TAFA1: variants seen among roughly 807,000 people sequenced by gnomAD.
TAFA1 encodes TAFA chemokine like family member 1, also known as chemokine-like protein TAFA-1.
TAFA1 carries 4 observed loss-of-function variants against 18.5 expected under a neutral mutation model. The ratio of observed to expected loss-of-function variants is 0.22; its 90% CI spans 0.11 to 0.49. The LOEUF (loss-of-function observed/expected upper bound fraction) is 0.49. Ranked by LOEUF, TAFA1 falls within the 20% of genes least tolerant of loss-of-function variation. The pLI is 0.98. For synonymous variants in TAFA1, 56 were observed against 55.2 expected (o/e 1.01, Z -0.06); for missense variants, 147 against 169.0 (o/e 0.87, Z 0.72).
intron 2 of TAFA1, among the ~76,000 whole-genome samples, chr3:68,180,012 T>TTTATTATTATTATTATTA (rs35696872): frequency 0.023 from 3,254 of 140,290 alleles, 39 homozygotes; most frequent in Middle Eastern, 0.046. Flanking sequence ...AACACATAAT[T>TTTATTATTATTATTATTA]TTATTATTAT....
chr3:68,301,236 C>G (rs753517603), intron 2 of TAFA1, among the ~76,000 whole-genome samples: 60 of 152,130 alleles, frequency 3.9e-4, no homozygotes, highest in Non-Finnish European at 2.4e-4. Flanking sequence ...AAATACAAAG[C>G]AAAATTACCA....
intron 2 of TAFA1, among the ~76,000 whole-genome samples, chr3:68,200,742 C>A (rs573343442): frequency 1.9e-3 from 283 of 151,354 alleles, no homozygotes; most frequent in African/African-American, 6.2e-3. Context: ...TCTTTATCTT[C>A]TTTTTTTTAA....
chr3:68,191,340 A>G (rs2066337771), intron 2 of TAFA1, among the ~76,000 whole-genome samples: 1 of 151,820 alleles, frequency 6.6e-6, no homozygotes, highest in African/African-American at 2.4e-5. Context: ...TTCCTGCAGG[A>G]CATGTAGGAC....
chr3:68,046,880 A>G (rs544962616), intron 2 of TAFA1, among the ~76,000 whole-genome samples: 1 of 152,172 alleles, frequency 6.6e-6, no homozygotes, highest in Non-Finnish European at 1.5e-5. Flanking sequence ...AAGCCTGATG[A>G]TATTAGTTTA....
chr3:68,398,115 C>A (rs922495102), intron 2 of TAFA1, among the ~76,000 whole-genome samples: 2 of 152,238 alleles, frequency 1.3e-5, no homozygotes, highest in Non-Finnish European at 1.5e-5. Flanking sequence ...ATAGCCAAGA[C>A]AATCCTAAAC....
At chr3:68,269,223 G>A (rs1380171692) in intron 2 of TAFA1, among the ~76,000 whole-genome samples, 1 of 151,944 alleles carries the variant, frequency 6.6e-6, no homozygotes, top group Non-Finnish European at 1.5e-5. Context: ...GGAGGCCATG[G>A]CAGGAGGATT....
intron 2 of TAFA1, among the ~76,000 whole-genome samples, chr3:68,153,995 T>C (rs1207776826): frequency 6.6e-6 from 1 of 152,186 alleles, no homozygotes; most frequent in Non-Finnish European, 1.5e-5. Flanking sequence ...TCAGGCCTTT[T>C]ATTAGTAAGA....
At chr3:68,002,913 C>G (rs556223807), upstream of TAFA1, among the ~76,000 whole-genome samples, 1 of 152,276 alleles carries the variant, frequency 6.6e-6, no homozygotes, top group Admixed American at 6.5e-5. Flanking sequence ...ATAGAATGTG[C>G]TAGCATCTGG....
intron 2 of TAFA1, among the ~76,000 whole-genome samples, chr3:68,333,197 A>G (rs1291598873): frequency 6.6e-6 from 1 of 152,172 alleles, no homozygotes; most frequent in Non-Finnish European, 1.5e-5. Context: ...AAAAGCACAT[A>G]CATGTGTATG....
intron 2 of TAFA1, among the ~76,000 whole-genome samples, chr3:68,126,769 G>C (rs2065469619): frequency 6.6e-6 from 1 of 152,130 alleles, no homozygotes; most frequent in African/African-American, 2.4e-5. Flanking sequence ...ACATTCAATT[G>C]GCCACACATT....
At chr3:68,086,890 C>G (rs529060068) in intron 2 of TAFA1, among the ~76,000 whole-genome samples, 43 of 152,246 alleles carry the variant, frequency 2.8e-4, no homozygotes, top group Admixed American at 7.8e-4. Flanking sequence ...TGATCAGGAC[C>G]ATTGAGGTTA....
chr3:68,486,117 A>C (rs970929898), intron 3 of TAFA1, among the ~76,000 whole-genome samples: 2 of 144,348 alleles, frequency 1.4e-5, no homozygotes, highest in African/African-American at 5.3e-5. Context: ...ATTTTATTTT[A>C]TTTTATTTTA....
At chr3:68,380,660 T>A (rs1425235972) in intron 2 of TAFA1, among the ~76,000 whole-genome samples, 5 of 152,218 alleles carry the variant, frequency 3.3e-5, no homozygotes, top group Admixed American at 3.3e-4. Context: ...TTGTAGATTC[T>A]GGATATTAGC....
chr3:68,475,857 T>C lies in TAFA1; in HGVS notation c.259+58437T>C, dbSNP rs572434129. 5.9e-5 allele frequency among the ~76,000 whole-genome samples: 9 copies of C among 152,332 alleles called. 1 individual carries two copies. The South Asian group carries it at 1.9e-3, about 32-fold the overall frequency. On this transcript the variant is annotated intron_variant, in intron 3 of 4. Coordinates refer to ENST00000478136, the MANE Select transcript of TAFA1 (RefSeq NM_213609.4). ...ACTTTTTAATGATCGCCATTCTAAC[T>C]GGTGTGAGATGGTATCTCATTGTGG...
chr3:68,366,966 A>C (rs2069585508), intron 2 of TAFA1, among the ~76,000 whole-genome samples: 1 of 152,168 alleles, frequency 6.6e-6, no homozygotes, highest in Admixed American at 6.5e-5. Context: ...ACCCTGACTC[A>C]AGGTCTCCAG....
At chr3:68,082,638 T>G (rs993333739) in intron 2 of TAFA1, among the ~76,000 whole-genome samples, 4 of 152,374 alleles carry the variant, frequency 2.6e-5, no homozygotes, top group Middle Eastern at 3.4e-3. Flanking sequence ...GCTATGCTGT[T>G]GCTGTTGATC....
At chr3:68,467,600 A>C (rs2071913651) in intron 3 of TAFA1, among the ~76,000 whole-genome samples, 1 of 152,212 alleles carries the variant, frequency 6.6e-6, no homozygotes, top group Non-Finnish European at 1.5e-5. Context: ...GCCAAGGAGC[A>C]GTGTGAGGTC....
intron 2 of TAFA1, among the ~76,000 whole-genome samples, chr3:68,132,696 ATTC>A (rs1195648935): frequency 6.6e-6 from 1 of 152,080 alleles, no homozygotes; most frequent in Non-Finnish European, 1.5e-5. Flanking sequence ...GTCTGTTCAT[ATTC>A]TTTGCCCACT....
chr3:68,231,328 T>G (rs924969143), intron 2 of TAFA1, among the ~76,000 whole-genome samples: 7 of 150,898 alleles, frequency 4.6e-5, no homozygotes, highest in African/African-American at 1.7e-4. Context: ...AATCTACCCA[T>G]GCTTTAATCT....
Sources: gnomAD v4.1 joint callset for allele counts (sites outside exome capture counted in the v4.1 genomes callset) on GRCh38, gnomAD v4.1.1 for gene constraint, MANE v1.5 for transcripts, NCBI Gene and HGNC (gene_info 2026-07-23, HGNC 2026-07-21) for gene names.